The following FIG4 variants were observed in gnomAD, a reference collection of about 807,000 sequenced individuals.
The protein encoded by FIG4 is FIG4 phosphoinositide 5-phosphatase, also known as polyphosphoinositide phosphatase.
In FIG4, 112 loss-of-function variants were observed where a neutral mutation model predicts 118.6. That is an observed-to-expected ratio of 0.94 (90% CI 0.81 to 1.11). The LOEUF is 1.11. Ranked by LOEUF, FIG4 falls within the 50% of genes least tolerant of loss-of-function variation. The pLI is 0.00. For synonymous variants in FIG4, 369 were observed against 381.2 expected (o/e 0.97, Z 0.37); for missense variants, 969 against 1,111.7 (o/e 0.87, Z 1.83).
intron 14 of FIG4, among the ~76,000 whole-genome samples, 195 bp from the exon 15 acceptor site, chr6:109,766,534 C>G (rs1466828606): frequency 6.6e-6 from 1 of 152,136 alleles, no homozygotes; most frequent in Admixed American, 6.5e-5. Context: ...TTAGTGTTTT[C>G]TATGGCTTTG....
intron 22 of FIG4, among the ~76,000 whole-genome samples, chr6:109,812,942 A>G (rs1322782893): frequency 1.3e-5 from 2 of 152,186 alleles, no homozygotes; most frequent in Non-Finnish European, 2.9e-5. Flanking sequence ...AAAGGCACTG[A>G]ATCATTTTGT....
intron 22 of FIG4, among the ~76,000 whole-genome samples, chr6:109,821,048 G>A (rs1454314151): frequency 6.6e-6 from 1 of 152,156 alleles, no homozygotes; most frequent in African/African-American, 2.4e-5. Flanking sequence ...GGAGTGCAAG[G>A]GATTTTTGGT....
chr6:109,756,037 G>A (rs1367878007), intron 10 of FIG4, among the ~76,000 whole-genome samples: 5 of 152,144 alleles, frequency 3.3e-5, no homozygotes, highest in Admixed American at 6.5e-5. Context: ...AGTCTCAATG[G>A]TCTTTACATT....
chr6:109,825,049 T>C, intron 22 of FIG4, 39 bp from the exon 23 acceptor site: 1 of 1,591,150 alleles, frequency 6.3e-7, no homozygotes, highest in Non-Finnish European at 8.6e-7. Context: ...TTCCTTATAT[T>C]TTCTTTAATG....
rs59929396 is a variant in FIG4 at position 109,698,799 on chromosome 6, T to C, written c.66+7298T>C. ...TATGGCCAATTACATTAATTCATTTTCAAATGTTAAACCTTGGATTTTGGA... is the reference window on the plus strand; with the variant it reads ...TATGGCCAATTACATTAATTCATTTCCAAATGTTAAACCTTGGATTTTGGA... On this transcript the variant is annotated intron_variant, in intron 1 of 22. Coordinates refer to ENST00000230124, the MANE Select transcript of FIG4 (RefSeq NM_014845.6). 8.1e-3 allele frequency among the ~76,000 whole-genome samples: 1,237 copies of C among 152,366 alleles called. 29 individuals are homozygous for C. Among genetic ancestry groups the C allele is most frequent in the African/African-American group, 0.026 (1,097 of 41,586 alleles).
chr6:109,820,945 C>A (rs972677013), intron 22 of FIG4, among the ~76,000 whole-genome samples: 2 of 152,092 alleles, frequency 1.3e-5, no homozygotes, highest in African/African-American at 2.4e-5. Flanking sequence ...ATCTGAGAGG[C>A]CTGAGAATAG....
chr6:109,753,916 T>C (rs1319751672), intron 10 of FIG4, among the ~76,000 whole-genome samples: 1 of 152,164 alleles, frequency 6.6e-6, no homozygotes, highest in Non-Finnish European at 1.5e-5. Flanking sequence ...CTTTTCCGAA[T>C]TGAATACCCT....
At chr6:109,698,014 G>A (rs939698903) in intron 1 of FIG4, among the ~76,000 whole-genome samples, 4 of 151,574 alleles carry the variant, frequency 2.6e-5, no homozygotes, top group Non-Finnish European at 4.4e-5. Flanking sequence ...TTAGCCTCCC[G>A]GATAGCTGGG....
chr6:109,750,788 A>G (rs1344132714), intron 10 of FIG4, among the ~76,000 whole-genome samples: 1 of 152,198 alleles, frequency 6.6e-6, no homozygotes. Flanking sequence ...TTCTTCACAC[A>G]GAGATGATAC....
chr6:109,741,470 T>C lies in FIG4; in HGVS notation c.802T>C (p.Tyr268His). 2 of 1,613,188 alleles carry C rather than the reference T, an allele frequency of 1.2e-6. No homozygotes were observed. The highest frequency in any genetic ancestry group is 1.7e-6 in the Non-Finnish European group (2 of 1,179,278). Residue 268 changes from tyrosine (Y) to histidine (H), a missense_variant, in exon 8 of 23, where the codon TAT (tyrosine) becomes CAT (histidine). This residue lies in a region of FIG4 where 393 missense variants were observed against 409.4 expected (regional missense o/e 0.96). Transcript: ENST00000230124. ...SKLLIYGRPV[Y>H]VTLIARRSSK... Reference sequence around the variant, plus strand: ...GCTGTTGATCTATGGACGACCAGTGTATGTCACTCTAATAGCTAGAAGATC... The same window carrying C: ...GCTGTTGATCTATGGACGACCAGTGCATGTCACTCTAATAGCTAGAAGATC...
At chr6:109,789,519 G>A in intron 18 of FIG4, 75 bp from the exon 19 acceptor site, 1 of 1,046,654 alleles carries the variant, frequency 9.6e-7, no homozygotes, top group Non-Finnish European at 1.5e-6. Flanking sequence ...TTGTAAGAGT[G>A]TGAACTGAGA....
chr6:109,741,629 AGTGGT>A, intron 8 of FIG4, 85 bp downstream of exon 8: 1 of 910,500 alleles, frequency 1.1e-6, no homozygotes, highest in Non-Finnish European at 1.8e-6. Flanking sequence ...AATTTTAAGA[AGTGGT>A]ATTTCTTAGT....
At chr6:109,821,187 A>T (rs1364291191) in intron 22 of FIG4, among the ~76,000 whole-genome samples, 1 of 152,180 alleles carries the variant, frequency 6.6e-6, no homozygotes, top group African/African-American at 2.4e-5. Flanking sequence ...GACAATGGAG[A>T]TGAAGGAAGG....
Position 109,743,267 on chromosome 6 carries a change from T to C in FIG4, c.1034T>C (p.Ile345Thr). 1 of 1,612,458 alleles carries C rather than the reference T, an allele frequency of 6.2e-7. No homozygotes were observed. The highest frequency in any genetic ancestry group is 1.1e-5 in the South Asian group (1 of 91,064). ...TCAACTATGATGCCTAAACCACCTA[T>C]TACATGTGTGTGGAGCCATGTTTTT... ...DISTMMPKPP[I>T]TLDQADPFAH... The change falls in exon 9 of 23, where the codon ATT becomes ACT. Residue 345 changes from isoleucine to threonine, a missense_variant. Around this residue, in one of 3 missense-constraint regions of FIG4, gnomAD observed 246 missense variants for 354.3 expected, o/e 0.69. Coordinates refer to ENST00000230124, the MANE Select transcript of FIG4 (RefSeq NM_014845.6).
At chr6:109,707,839 C>A (rs1291694927) in intron 1 of FIG4, among the ~76,000 whole-genome samples, 1 of 151,914 alleles carries the variant, frequency 6.6e-6, no homozygotes, top group Non-Finnish European at 1.5e-5. Context: ...TTTTAAAGGA[C>A]TTTTTGAAGC....
At chr6:109,696,017 A>G (rs564284361) in intron 1 of FIG4, among the ~76,000 whole-genome samples, 40 of 152,330 alleles carry the variant, frequency 2.6e-4, no homozygotes, top group Admixed American at 2.4e-3. Context: ...AAAAATTTAC[A>G]TGGGTGGTCT....
chr6:109,777,541 G>C (rs1446448244), intron 16 of FIG4, among the ~76,000 whole-genome samples: 1 of 152,208 alleles, frequency 6.6e-6, no homozygotes. Flanking sequence ...CAGAGAGTCA[G>C]TCTTAGATTT....
chr6:109,798,862 C>T (rs1441091283), intron 22 of FIG4, among the ~76,000 whole-genome samples: 1 of 151,624 alleles, frequency 6.6e-6, no homozygotes, highest in Non-Finnish European at 1.5e-5. Context: ...TTAGAGACCA[C>T]TTTGTGTTGT....
intron 22 of FIG4, among the ~76,000 whole-genome samples, chr6:109,807,953 G>A (rs1383740216): frequency 6.6e-6 from 1 of 152,044 alleles, no homozygotes; most frequent in Non-Finnish European, 1.5e-5. Context: ...GAACAGAGCA[G>A]ATCAGAGTTA....
Sources: gnomAD v4.1 joint callset for allele counts (sites outside exome capture counted in the v4.1 genomes callset) on GRCh38, gnomAD v4.1.1 for gene constraint, gnomAD v4.1.1 regional missense constraint, MANE v1.5 for transcripts, NCBI Gene and HGNC (gene_info 2026-07-23, HGNC 2026-07-21) for gene names.